C2CD3: variants seen among roughly 807,000 people sequenced by gnomAD.
C2CD3 encodes the protein C2 domain containing 3 centriole elongation regulator, also known as C2 domain-containing protein 3.
A neutral mutation model predicts 234.0 loss-of-function variants in C2CD3; 148 were observed. That is an observed-to-expected ratio of 0.63 (90% CI 0.55 to 0.72). C2CD3 has a LOEUF of 0.72. Ranked by LOEUF, C2CD3 falls within the 30% of genes least tolerant of loss-of-function variation. The pLI, the probability that C2CD3 is intolerant of heterozygous loss-of-function variation, is 0.00. For missense variants in C2CD3, 2,577 were observed against 2,811.5 expected (o/e 0.92, Z 1.89); for synonymous variants, 1,000 against 1,035.4 (o/e 0.97, Z 0.66).
Position 74,085,756 on chromosome 11 carries a change from A to G in C2CD3, c.3772T>C (p.Cys1258Arg). 1 of 1,614,226 alleles carries G rather than the reference A, an allele frequency of 6.2e-7. No homozygotes were observed. ...TCAACGTGATGGGAGAACTCAGGGC[A>G]GAAAGAACAGGCCACAGGGTGGGTT... ...RRTHPVACSF[C>R]PEFSHHVEFT... The change falls in exon 21 of 33, where the codon TGC becomes CGC. Residue 1258 changes from cysteine (C) to arginine (R), a missense_variant. Transcript: ENST00000334126.
chr11:74,145,981 T>A (rs1855156679), intron 3 of C2CD3, among the ~76,000 whole-genome samples: 1 of 152,208 alleles, frequency 6.6e-6, no homozygotes, highest in African/African-American at 2.4e-5. Context: ...CAAGAATATT[T>A]CTAATGGTAA....
In C2CD3 at chr11:74,098,238, C is replaced by T. The variant is rs765019392; in HGVS notation, c.2750G>A (p.Arg917His). Residue 917 changes from arginine to histidine, a missense_variant, in exon 16 of 33, where the codon CGC (arginine) becomes CAC (histidine). By Grantham distance (29) the Arg-to-His change is conservative. Transcript: ENST00000334126. ...TGGGTACTGGGCATCCAGCAGCAGGCGAGAAATCTTAGCATCTCTAGAGGG... is the reference window on the plus strand; with the variant it reads ...TGGGTACTGGGCATCCAGCAGCAGGTGAGAAATCTTAGCATCTCTAGAGGG... ...YMSFKDAKIS[R>H]LLLDAQYPVV... The T allele has an allele frequency of 2.1e-5, 34 of 1,613,782 alleles. No individual in the cohort carries two copies. The highest frequency in any genetic ancestry group is 2.5e-5 in the Non-Finnish European group (30 of 1,179,934).
chr11:74,162,959 G>T (rs1856569482), intron 2 of C2CD3, among the ~76,000 whole-genome samples: 1 of 152,118 alleles, frequency 6.6e-6, no homozygotes, highest in Non-Finnish European at 1.5e-5. Context: ...GGAACCAAGA[G>T]AAATGAAAAT....
intron 3 of C2CD3, among the ~76,000 whole-genome samples, chr11:74,156,604 G>A (rs550818601): frequency 1.3e-5 from 2 of 152,120 alleles, no homozygotes; most frequent in African/African-American, 4.8e-5. Flanking sequence ...AAGCCCAAAA[G>A]CTTGAATCTA....
intron 27 of C2CD3, 89 bp from the exon 28 acceptor site, chr11:74,048,427 GT>G: frequency 7.5e-7 from 1 of 1,333,438 alleles, no homozygotes; most frequent in Non-Finnish European, 1.0e-6. Context: ...AAAATTTATT[GT>G]GTGCATTTAA....
intron 26 of C2CD3, among the ~76,000 whole-genome samples, chr11:74,052,807 T>C (rs1344668604): frequency 6.6e-6 from 1 of 152,142 alleles, no homozygotes. Flanking sequence ...GAGAGAAAGG[T>C]CAGTCAATTC....
intron 25 of C2CD3, among the ~76,000 whole-genome samples, chr11:74,056,618 G>C (rs826046): frequency 0.043 from 6,507 of 152,272 alleles, 460 homozygotes; most frequent in African/African-American, 0.15. Flanking sequence ...GTAAATTACA[G>C]AGATGGAGTT....
intron 16 of C2CD3, among the ~76,000 whole-genome samples, chr11:74,096,167 G>C (rs1035283233): frequency 1.3e-5 from 2 of 151,988 alleles, no homozygotes; most frequent in Non-Finnish European, 2.9e-5. Context: ...TGCAGAGCTA[G>C]TAACAGTGGA....
chr11:74,103,701 A>G, intron 13 of C2CD3, 76 bp from the exon 14 acceptor site: 2 of 1,206,998 alleles, frequency 1.7e-6, no homozygotes, highest in Non-Finnish European at 2.3e-6. Flanking sequence ...GCTGGAAACA[A>G]CATCAGATTA....
intron 28 of C2CD3, among the ~76,000 whole-genome samples, chr11:74,045,663 C>T (rs1175063338): frequency 6.6e-6 from 1 of 151,994 alleles, no homozygotes; most frequent in Non-Finnish European, 1.5e-5. Flanking sequence ...CCTCGACCTC[C>T]TGGGCTCAAG....
intron 9 of C2CD3, among the ~76,000 whole-genome samples, chr11:74,115,537 C>T (rs1053773897): frequency 7.9e-5 from 12 of 151,982 alleles, no homozygotes; most frequent in Non-Finnish European, 1.2e-4. Context: ...AATATGAAAA[C>T]GACCATACTG....
chr11:74,047,952 C>T (rs1025562686), intron 28 of C2CD3, among the ~76,000 whole-genome samples: 1 of 152,128 alleles, frequency 6.6e-6, no homozygotes. Context: ...AGGTTAAAGG[C>T]CTTTGAGGAT....
chr11:74,018,374 G>A (rs1203098164), intron 32 of C2CD3, among the ~76,000 whole-genome samples: 1 of 152,124 alleles, frequency 6.6e-6, no homozygotes, highest in Non-Finnish European at 1.5e-5. Context: ...GCTAGACCAG[G>A]CAAGTTCTCC....
rs142117853 is a variant in C2CD3 at position 74,127,357 on chromosome 11, A to G, written c.1218-4222T>C. Among the ~76,000 whole-genome samples, 127 of 152,330 alleles carry G rather than the reference A, an allele frequency of 8.3e-4. 1 individual carries two copies. The East Asian group carries it at 0.02, about 24-fold the overall frequency. On this transcript the variant is annotated intron_variant, in intron 7 of 32. Coordinates refer to ENST00000334126, the MANE Select transcript of C2CD3 (RefSeq NM_001286577.2). ...GTTCATCCATGCTGTAGCATGTAGCAGTACTTCACCTTGATGGCCAAAGGT... is the reference window on the plus strand; with the variant it reads ...GTTCATCCATGCTGTAGCATGTAGCGGTACTTCACCTTGATGGCCAAAGGT...
rs1216871964 is a variant in C2CD3 at position 74,033,718 on chromosome 11, T to G, written c.6442A>C (p.Ser2148Arg). 1 of 1,536,372 alleles carries G rather than the reference T, an allele frequency of 6.5e-7. No homozygotes were observed. ...NPHLPRQGSP[S>R]QSLVACECEA... ...CACTCACAAGCAACAAGACTTTGGC[T>G]AGGAGAACCCTGCCTAGGCAGGTGG... Residue 2148 changes from serine to arginine, a missense_variant, in exon 31 of 33, where the codon AGC (serine) becomes CGC (arginine). Physicochemically the swap from Ser to Arg is moderately radical, Grantham distance 110. Transcript: ENST00000334126.
chr11:74,165,875 A>AT (rs1590984719), intron 2 of C2CD3, among the ~76,000 whole-genome samples: 4 of 152,110 alleles, frequency 2.6e-5, no homozygotes, highest in South Asian at 4.1e-4. Context: ...GTGGAATCTA[A>AT]TTTTTTTGTA....
Position 74,078,628 on chromosome 11 carries a change from C to T in C2CD3, c.4090G>A (p.Glu1364Lys). The change falls in exon 23 of 33, where the codon GAG (glutamate) becomes AAG (lysine). Residue 1364 changes from glutamate (E) to lysine (K), a missense_variant. Coordinates refer to ENST00000334126, the MANE Select transcript of C2CD3 (RefSeq NM_001286577.2). ...ELMQKIVGGL[E>K]LSISFTHRGD... ...CGATGCGTGAAGGAAATCGAAAGCT[C>T]CAGACCACCCACGATCTTCTGCATG... is the stretch of plus-strand genomic sequence containing the variant. 6.2e-7 allele frequency: 1 copy of T among 1,614,188 alleles called. No individual in the cohort carries two copies. Among genetic ancestry groups the T allele is most frequent in the Non-Finnish European group, 8.5e-7 (1 of 1,180,022 alleles).
At chr11:74,123,344 T>C (rs1298507268) in intron 7 of C2CD3, among the ~76,000 whole-genome samples, 1 of 152,168 alleles carries the variant, frequency 6.6e-6, no homozygotes, top group East Asian at 1.9e-4. Flanking sequence ...AGAAACACAC[T>C]ACTGACACTG....
chr11:74,100,568 C>T lies in C2CD3; in HGVS notation c.2689G>A (p.Gly897Arg), dbSNP rs771221676. The T allele has an allele frequency of 3.1e-6, 5 of 1,613,740 alleles. No homozygotes were observed. The highest frequency in any genetic ancestry group is 3.4e-6 in the Non-Finnish European group (4 of 1,179,912). ...TGGTGGAGGGGAAGTTTCACCAGCC[C>T]GAGCAGCTTGTCCTGTCCTGGGCTC... is the stretch of plus-strand genomic sequence containing the variant. ...VRSPGQDKLL[G>R]LVKLPLHQFY... Residue 897 changes from glycine to arginine, a missense_variant, in exon 15 of 33, where the codon GGG becomes AGG. By Grantham distance (125) the Gly-to-Arg change is moderately radical. Transcript: ENST00000334126.
Sources: allele counts gnomAD v4.1 joint callset (sites outside exome capture counted in the v4.1 genomes callset), GRCh38; gene constraint gnomAD v4.1.1; transcripts MANE v1.5; gene names NCBI Gene and HGNC (gene_info 2026-07-23, HGNC 2026-07-21).